Variants in FAM72D observed in about 807,000 individuals in gnomAD.
FAM72D encodes the protein protein FAM72D.
For synonymous variants in FAM72D, 4 were observed against 35.1 expected (o/e 0.11, Z 3.13); for missense variants, 9 against 104.7 (o/e 0.09, Z 3.99).
intron 2 of FAM72D, among the ~76,000 whole-genome samples, chr1:145,100,454 T>C (rs1414911591): frequency 1.4e-5 from 2 of 141,594 alleles, no homozygotes; most frequent in Non-Finnish European, 3.1e-5. Context: ...AAAAACTAGA[T>C]GAAGTCACTG....
intron 1 of FAM72D, among the ~76,000 whole-genome samples, chr1:145,098,430 GT>G (rs1654554295): frequency 6.7e-6 from 1 of 148,198 alleles, no homozygotes; most frequent in Non-Finnish European, 1.5e-5. Flanking sequence ...ATGAATTAGC[GT>G]GCTAAGATGT....
upstream of FAM72D, chr1:145,095,029 A>G: frequency 6.5e-7 from 1 of 1,528,094 alleles, no homozygotes; most frequent in Non-Finnish European, 8.8e-7. Context: ...AGTCCTGAGA[A>G]GTATTATGGG....
intron 3 of FAM72D, among the ~76,000 whole-genome samples, chr1:145,107,493 C>T (rs1553638570): frequency 7.8e-6 from 1 of 127,580 alleles, no homozygotes; most frequent in Non-Finnish European, 1.7e-5. Context: ...CCTGCCTCAG[C>T]CTCCCAAAGT....
At position 145,096,564 on chromosome 1, in the gene FAM72D, CTTCAAACTCCACCTGCCTCCTCTCCAA is replaced by C. The variant is rs1225815378; in HGVS notation, c.-271_-245del. 1.1e-3 allele frequency: 409 copies of C among 376,850 alleles called. 8 individuals are homozygous for C. The East Asian group carries it at 0.017, about 15-fold the overall frequency. The allele number at this position is 376,850 out of a possible 1,614,324, so 23.3% of individuals were successfully genotyped here. The stretch of plus-strand genomic sequence containing the variant: ...AAAGGGAAAGCCGTTGAGAAGTTCC[CTTCAAACTCCACCTGCCTCCTCTCCAA>C]TTCAAACTCCACTCCCTTCTCCAAA... On this transcript the variant is annotated 5_prime_UTR_variant, in exon 1 of 4. Coordinates refer to ENST00000400889, the MANE Select transcript of FAM72D (RefSeq NM_207418.3).
chr1:145,101,612 GACA>G (rs1265121443), intron 2 of FAM72D, among the ~76,000 whole-genome samples: 3 of 142,962 alleles, frequency 2.1e-5, no homozygotes, highest in Non-Finnish European at 4.4e-5. Context: ...TTAGCTCCGT[GACA>G]ACAAGGGCTT....
intron 3 of FAM72D, among the ~76,000 whole-genome samples, chr1:145,105,443 G>A (rs1336268434): frequency 1.4e-3 from 131 of 92,254 alleles, no homozygotes; most frequent in Non-Finnish European, 1.8e-3. Context: ...GGAGGCCGAG[G>A]TGGATGGATC....
At chr1:145,105,534 G>A (rs2095827) in intron 3 of FAM72D, among the ~76,000 whole-genome samples, 8 of 135,308 alleles carry the variant, frequency 5.9e-5, no homozygotes, top group Non-Finnish European at 9.5e-5. Flanking sequence ...TTAGCTGGGC[G>A]TGGTGGTACA....
Position 145,107,125 on chromosome 1 carries a change from C to A in FAM72D, c.355+3994C>A, listed in dbSNP as rs1303593708. 2.6e-3 allele frequency among the ~76,000 whole-genome samples: 101 copies of A among 39,512 alleles called. 1 individual carries two copies. Among genetic ancestry groups the A allele is most frequent in the Middle Eastern group, 9.8e-3 (1 of 102 alleles). 25.9% of individuals were successfully genotyped at this position (39,512 alleles called of 152,430 possible). ...CTCCAGCCTGGGCAACAGAGTGAGA[C>A]CCTGTCTCAAAAAAAAAAAAAAAAA... On this transcript the variant is annotated intron_variant, in intron 3 of 3. Coordinates refer to ENST00000400889, the MANE Select transcript of FAM72D (RefSeq NM_207418.3).
chr1:145,104,168 T>C (rs1197004523), intron 3 of FAM72D, among the ~76,000 whole-genome samples: 1 of 149,216 alleles, frequency 6.7e-6, no homozygotes, highest in East Asian at 2.0e-4. Flanking sequence ...AAAAAAAAAA[T>C]GCTTTATTGC....
chr1:145,107,243 A>AT (rs1654964400), intron 3 of FAM72D, among the ~76,000 whole-genome samples: 1 of 145,782 alleles, frequency 6.9e-6, no homozygotes, highest in African/African-American at 2.6e-5. Context: ...TGAAATACTA[A>AT]TTCTTTTTTT....
chr1:145,101,945 C>T (rs1553638009), intron 2 of FAM72D, among the ~76,000 whole-genome samples: 1 of 106,310 alleles, frequency 9.4e-6, no homozygotes, highest in Non-Finnish European at 1.8e-5. Context: ...CAGAGTAAGA[C>T]TAAGCTTGAA....
intron 3 of FAM72D, among the ~76,000 whole-genome samples, chr1:145,105,893 G>A (rs1308600838): frequency 1.4e-5 from 2 of 143,742 alleles, no homozygotes; most frequent in South Asian, 2.2e-4. Flanking sequence ...CGGAGGTTGC[G>A]GTGAGCCAAG....
At chr1:145,107,175 C>G (rs1174974312) in intron 3 of FAM72D, among the ~76,000 whole-genome samples, 3 of 146,916 alleles carry the variant, frequency 2.0e-5, no homozygotes, top group Admixed American at 2.0e-4. Flanking sequence ...AGAAAGTACA[C>G]TACCAATTCT....
chr1:145,100,830 T>C lies in FAM72D; in HGVS notation c.230+1765T>C, dbSNP rs587693992. On this transcript the variant is annotated intron_variant, in intron 2 of 3. Transcript: ENST00000400889. ...TTTGTATTTTTAGTAGAGACAGGAT[T>C]TCGCCATGTTAGCCAGGCTGGTCTC... Among the ~76,000 whole-genome samples the C allele has an allele frequency of 2.6e-4, 39 of 150,786 alleles. 1 individual carries two copies. The East Asian group carries it at 7.4e-3, about 29-fold the overall frequency.
At chr1:145,097,211 T>C (rs1228047146) in intron 1 of FAM72D, among the ~76,000 whole-genome samples, 1 of 142,074 alleles carries the variant, frequency 7.0e-6, no homozygotes, top group Non-Finnish European at 1.5e-5. Flanking sequence ...GTAATGCTTC[T>C]AGTTCAATTG....
At chr1:145,106,001 C>T (rs1202862534) in intron 3 of FAM72D, among the ~76,000 whole-genome samples, 2 of 147,052 alleles carry the variant, frequency 1.4e-5, no homozygotes, top group African/African-American at 5.0e-5. Context: ...TTAGTGTAGC[C>T]ACCTTCATCC....
chr1:145,100,531 G>A lies in FAM72D; in HGVS notation c.230+1466G>A, dbSNP rs9802973. 5.4e-4 allele frequency among the ~76,000 whole-genome samples: 69 copies of A among 127,986 alleles called. 2 individuals carry two copies. The highest frequency in any genetic ancestry group is 7.8e-4 in the Admixed American group (9 of 11,476). 84.0% of individuals were successfully genotyped at this position (127,986 alleles called of 152,430 possible). A position where few individuals can be genotyped will look rare whatever the true frequency, so the allele number is the denominator to read the frequency against. ...TTTTAAGACGGAGTTTTGCTCTGTC[G>A]CCCAGGCTAGAGTGCAGTGGCACGA... On this transcript the variant is annotated intron_variant, in intron 2 of 3. Transcript: ENST00000400889.
intron 3 of FAM72D, among the ~76,000 whole-genome samples, chr1:145,107,246 CTT>C (rs71270754): frequency 6.0e-5 from 8 of 133,422 alleles, no homozygotes; most frequent in African/African-American, 9.0e-5. Context: ...AATACTAATT[CTT>C]TTTTTTTTTT....
At chr1:145,107,044 A>AC (rs1226502861) in intron 3 of FAM72D, among the ~76,000 whole-genome samples, 4 of 82,606 alleles carry the variant, frequency 4.8e-5, no homozygotes, top group Middle Eastern at 5.4e-3. Flanking sequence ...ATATGATGAA[A>AC]CCCCCCTTGA....
Sources: gnomAD v4.1 joint callset for allele counts (sites outside exome capture counted in the v4.1 genomes callset) on GRCh38, gnomAD v4.1.1 for gene constraint, MANE v1.5 for transcripts, NCBI Gene and HGNC (gene_info 2026-07-23, HGNC 2026-07-21) for gene names.